CORO1C: variants seen among roughly 807,000 people sequenced by gnomAD.
CORO1C encodes coronin 1C, also known as coronin-1C.
Under a neutral mutation model 51.2 loss-of-function variants are expected in CORO1C, and 14 were observed. The observed-to-expected ratio is 0.27, with a 90% CI of 0.18 to 0.43. The LOEUF is 0.43. CORO1C is among the 20% of genes least tolerant of loss of function. The probability of loss-of-function intolerance (pLI) is 1.00; values close to 1 mark genes in which losing one functional copy is unlikely to be tolerated. For missense variants in CORO1C, 417 were observed against 607.8 expected (o/e 0.69, Z 3.30); for synonymous variants, 181 against 210.5 (o/e 0.86, Z 1.21).
At chr12:108,729,909 C>T (rs1218180313) in intron 1 of CORO1C, among the ~76,000 whole-genome samples, 1 of 152,164 alleles carries the variant, frequency 6.6e-6, no homozygotes, top group African/African-American at 2.4e-5. Flanking sequence ...GTCAGGAGAA[C>T]GTTCTGCCAG....
At chr12:108,704,424 A>G (rs188647628) in intron 1 of CORO1C, among the ~76,000 whole-genome samples, 133 of 152,042 alleles carry the variant, frequency 8.7e-4, no homozygotes, top group African/African-American at 3.0e-3. Context: ...GTGAGCCAAG[A>G]TCGCACCACT....
At chr12:108,675,848 G>A (rs1310956529) in intron 3 of CORO1C, among the ~76,000 whole-genome samples, 4 of 152,254 alleles carry the variant, frequency 2.6e-5, no homozygotes, top group African/African-American at 4.8e-5. Flanking sequence ...CTAGCCAAAA[G>A]GACAGAACCT....
intron 2 of CORO1C, among the ~76,000 whole-genome samples, chr12:108,679,109 C>CAAAAA (rs1183326267): frequency 2.7e-4 from 6 of 22,138 alleles, no homozygotes; most frequent in African/African-American, 4.3e-4. Flanking sequence ...GACTCTGTCT[C>CAAAAA]AAAAAAAAAA....
At chr12:108,705,201 G>T (rs1194388953) in intron 1 of CORO1C, among the ~76,000 whole-genome samples, 1 of 152,010 alleles carries the variant, frequency 6.6e-6, no homozygotes, top group Non-Finnish European at 1.5e-5. Context: ...AATGTAGGCC[G>T]GGCATGGTGG....
intron 2 of CORO1C, among the ~76,000 whole-genome samples, chr12:108,686,926 T>C (rs2034314139): frequency 6.6e-6 from 1 of 152,212 alleles, no homozygotes; most frequent in South Asian, 2.1e-4. Context: ...AGAGGTGTAA[T>C]GGCACAATTT....
chr12:108,679,575 T>C (rs2034051113), intron 2 of CORO1C, among the ~76,000 whole-genome samples: 1 of 152,260 alleles, frequency 6.6e-6, no homozygotes, highest in Non-Finnish European at 1.5e-5. Flanking sequence ...CTGCAATGTA[T>C]GGCTTAATCT....
rs2034848060 is a variant in CORO1C, at chr12:108,700,941, A to G, written c.195+183T>C. 4.7e-5 allele frequency: 32 copies of G among 674,290 alleles called. 2 individuals are homozygous for G. The South Asian group carries it at 5.9e-4, about 12-fold the overall frequency. The allele number at this position is 674,290 out of a possible 1,614,324, so 41.8% of individuals were successfully genotyped here. ...TCCCCAGAACAGAGGTCACTATTCTATTTAATGATTCTCTGTTAGAGAAAA... is the reference window on the plus strand; with the variant it reads ...TCCCCAGAACAGAGGTCACTATTCTGTTTAATGATTCTCTGTTAGAGAAAA... On this transcript the variant is annotated intron_variant, in intron 2 of 10. Transcript: ENST00000261401.
intron 2 of CORO1C, among the ~76,000 whole-genome samples, chr12:108,690,966 C>T (rs796598371): frequency 9.8e-5 from 15 of 152,306 alleles, no homozygotes; most frequent in African/African-American, 1.9e-4. Context: ...CCTCTGTGAA[C>T]GCTGAAGAGC....
At chr12:108,692,457 C>CA (rs757414655) in intron 2 of CORO1C, among the ~76,000 whole-genome samples, 26 of 152,384 alleles carry the variant, frequency 1.7e-4, no homozygotes, top group Middle Eastern at 3.4e-3. Flanking sequence ...GGCAGACATG[C>CA]AGCCAATGCA....
chr12:108,666,788 G>C (rs2033495147), intron 3 of CORO1C, among the ~76,000 whole-genome samples: 4 of 152,132 alleles, frequency 2.6e-5, no homozygotes, highest in Admixed American at 2.6e-4. Flanking sequence ...GGACAGCTGT[G>C]CTTACTCAGG....
At chr12:108,653,211 T>G (rs1424666356) in intron 7 of CORO1C, among the ~76,000 whole-genome samples, 1 of 152,234 alleles carries the variant, frequency 6.6e-6, no homozygotes, top group African/African-American at 2.4e-5. Context: ...GCTAAACCCT[T>G]ACTAGTCATT....
At chr12:108,719,799 T>G (rs1239013635) in intron 1 of CORO1C, among the ~76,000 whole-genome samples, 3 of 152,236 alleles carry the variant, frequency 2.0e-5, no homozygotes, top group African/African-American at 7.2e-5. Flanking sequence ...TAAATCCCCT[T>G]GACAGAAATT....
rs924887183 is a variant in CORO1C, at chr12:108,695,851, TA to T, written c.195+5272del. Among the ~76,000 whole-genome samples the T allele has an allele frequency of 3.7e-3, 229 of 62,456 alleles. 1 individual carries two copies. The highest frequency in any genetic ancestry group is 0.021 in the Middle Eastern group (2 of 94). The allele number at this position is 62,456 out of a possible 152,430, so 41.0% of individuals were successfully genotyped here. ...GGCTATGTATCACCCTTGGGAGAACTAAAAAAAAAAAAAAAAAAAAAAAACA... is the reference window on the plus strand; with the variant it reads ...GGCTATGTATCACCCTTGGGAGAACTAAAAAAAAAAAAAAAAAAAAAAACA... On this transcript the variant is annotated intron_variant, in intron 2 of 10. Transcript: ENST00000261401.
intron 1 of CORO1C, among the ~76,000 whole-genome samples, chr12:108,719,288 C>T (rs993480286): frequency 3.3e-5 from 5 of 152,180 alleles, no homozygotes; most frequent in Admixed American, 6.5e-5. Flanking sequence ...TAAACAACTA[C>T]ATTTATGGTT....
intron 1 of CORO1C, among the ~76,000 whole-genome samples, chr12:108,710,985 T>C (rs530779728): frequency 2.6e-5 from 4 of 152,304 alleles, no homozygotes; most frequent in South Asian, 2.1e-4. Flanking sequence ...AAAACCTTCA[T>C]CTTATTAGTC....
chr12:108,656,552 C>A (rs1279464078), intron 6 of CORO1C, among the ~76,000 whole-genome samples: 1 of 152,160 alleles, frequency 6.6e-6, no homozygotes, highest in Non-Finnish European at 1.5e-5. Flanking sequence ...GGGAGGTGTA[C>A]CCAACAGCTC....
chr12:108,667,330 G>T (rs750134), intron 3 of CORO1C, among the ~76,000 whole-genome samples: 10,870 of 152,210 alleles, frequency 0.071, 611 homozygotes, highest in East Asian at 0.32. Context: ...CTCTGTGCAG[G>T]CTTGTTAGCT....
intron 1 of CORO1C, among the ~76,000 whole-genome samples, chr12:108,706,205 C>A (rs200942346): frequency 0.06 from 7,427 of 124,566 alleles, 481 homozygotes; most frequent in East Asian, 0.34. Context: ...ACAAAAAAAA[C>A]AAAAAAAAAG....
intron 1 of CORO1C, among the ~76,000 whole-genome samples, chr12:108,705,003 AG>A (rs1261138486): frequency 1.3e-5 from 2 of 152,258 alleles, no homozygotes; most frequent in Non-Finnish European, 2.9e-5. Flanking sequence ...ATGCTATAAT[AG>A]TACCTTGTAT....
Sources: allele counts gnomAD v4.1 joint callset (sites outside exome capture counted in the v4.1 genomes callset), GRCh38; gene constraint gnomAD v4.1.1; transcripts MANE v1.5; gene names NCBI Gene and HGNC (gene_info 2026-07-23, HGNC 2026-07-21).